The following ARHGAP6 variants were observed in gnomAD, a reference collection of about 807,000 sequenced individuals.
ARHGAP6 encodes the protein Rho GTPase activating protein 6.
ARHGAP6 carries 16 observed loss-of-function variants against 55.7 expected under a neutral mutation model. The ratio of observed to expected loss-of-function variants is 0.29; its 90% confidence interval spans 0.19 to 0.44. The LOEUF (loss-of-function observed/expected upper bound fraction) is 0.44, where lower values mean the gene tolerates loss of function less well. Among genes scored for constraint, ARHGAP6 ranks in the 20% least tolerant of loss-of-function variants. The probability of loss-of-function intolerance (pLI) is 1.00; values close to 1 mark genes in which losing one functional copy is unlikely to be tolerated. For synonymous variants in ARHGAP6, 382 were observed against 360.9 expected (o/e 1.06, Z -0.66); for missense variants, 698 against 808.9 (o/e 0.86, Z 1.66).
chrX:11,356,607 G>C (rs956713616), intron 1 of ARHGAP6, among the ~76,000 whole-genome samples: 1 of 110,584 alleles, frequency 9.0e-6, no homozygotes, highest in Non-Finnish European at 1.9e-5. Context: ...ATGTCAATGT[G>C]GGTTTTTTTC....
chrX:11,168,822 GA>G (rs2046050785), intron 9 of ARHGAP6, among the ~76,000 whole-genome samples: 1 of 112,187 alleles, frequency 8.9e-6, no homozygotes, highest in Non-Finnish European at 1.9e-5. Flanking sequence ...AATGCAGTTT[GA>G]TGAAGGAAAA....
chrX:11,391,794 T>G (rs1297616243), intron 1 of ARHGAP6, among the ~76,000 whole-genome samples: 2 of 112,730 alleles, frequency 1.8e-5, no homozygotes, highest in Non-Finnish European at 3.8e-5. Flanking sequence ...TTAACTTTCA[T>G]GTAGATTGCC....
At chrX:11,522,436 C>T (rs1479166616) in intron 1 of ARHGAP6, among the ~76,000 whole-genome samples, 9 of 110,633 alleles carry the variant, frequency 8.1e-5, no homozygotes, top group Non-Finnish European at 1.7e-4. Flanking sequence ...AAAAAATCAA[C>T]GAATCCAGGA....
intron 1 of ARHGAP6, among the ~76,000 whole-genome samples, chrX:11,602,795 A>G (rs1202016595): frequency 8.9e-6 from 1 of 112,238 alleles, no homozygotes; most frequent in East Asian, 2.8e-4. Context: ...CTGTGTGGTC[A>G]ATTACCATTA....
rs569852383 is a variant in ARHGAP6, at chrX:11,508,770, G to C, written c.588+155471C>G. ...TCACTTCCTCAGCCCCACCCCTTTC[G>C]AATCTCAGCTTCCTCGTCTCTTCAC... On this transcript the variant is annotated intron_variant, in intron 1 of 12. Transcript: ENST00000337414. Among the ~76,000 whole-genome samples the C allele has an allele frequency of 3.1e-3, 335 of 108,036 alleles. 2 individuals are homozygous for C. Among genetic ancestry groups the C allele is most frequent in the Non-Finnish European group, 5.8e-3 (305 of 52,385 alleles). The allele number at this position is 108,036 out of a possible 115,157, so 93.8% of individuals were successfully genotyped here.
chrX:11,292,660 C>T (rs1476443305), intron 1 of ARHGAP6, among the ~76,000 whole-genome samples: 2 of 111,967 alleles, frequency 1.8e-5, no homozygotes, highest in Non-Finnish European at 3.8e-5. Flanking sequence ...CATGAGTTTG[C>T]TTGTAAAAAA....
At chrX:11,281,930 C>A (rs181548248) in intron 1 of ARHGAP6, among the ~76,000 whole-genome samples, 65 of 111,927 alleles carry the variant, frequency 5.8e-4, no homozygotes, top group African/African-American at 2.1e-3. Flanking sequence ...ATGAAGGAAA[C>A]GATAATGGAA....
chrX:11,413,519 G>T (rs755913443), intron 1 of ARHGAP6, among the ~76,000 whole-genome samples: 1 of 112,233 alleles, frequency 8.9e-6, no homozygotes, highest in East Asian at 2.8e-4. Context: ...TTGTGGCTGA[G>T]CGCTCAGCAA....
chrX:11,189,020 T>C (rs1376467597), intron 3 of ARHGAP6, 36 bp from the exon 4 acceptor site: 22 of 1,192,506 alleles, frequency 1.8e-5, no homozygotes, highest in Non-Finnish European at 2.5e-5. Flanking sequence ...TTTCAGAGAC[T>C]GACTGGTCCA....
intron 1 of ARHGAP6, among the ~76,000 whole-genome samples, chrX:11,552,066 G>T (rs887726587): frequency 5.4e-5 from 6 of 111,752 alleles, no homozygotes; most frequent in Admixed American, 9.5e-5. Context: ...CAACTCAATA[G>T]TAAGAAAATA....
intron 1 of ARHGAP6, among the ~76,000 whole-genome samples, chrX:11,482,694 G>A (rs962653475): frequency 1.8e-5 from 2 of 111,349 alleles, no homozygotes; most frequent in Non-Finnish European, 3.8e-5. Flanking sequence ...TATGCTTAGT[G>A]GCTCTAACAG....
At chrX:11,155,099 C>T (rs2045845253) in intron 10 of ARHGAP6, among the ~76,000 whole-genome samples, 1 of 111,629 alleles carries the variant, frequency 9.0e-6, no homozygotes, top group Admixed American at 9.5e-5. Context: ...AACGTAATGA[C>T]CTGGGAAAGA....
chrX:11,580,738 T>A (rs1274561246), intron 1 of ARHGAP6, among the ~76,000 whole-genome samples: 3 of 112,308 alleles, frequency 2.7e-5, no homozygotes, highest in African/African-American at 9.7e-5. Context: ...TTTAAAACAG[T>A]GAGAATATAT....
At chrX:11,328,402 T>C (rs1332638197) in intron 1 of ARHGAP6, among the ~76,000 whole-genome samples, 2 of 112,054 alleles carry the variant, frequency 1.8e-5, no homozygotes, top group Middle Eastern at 4.6e-3. Flanking sequence ...TATTGAGTAA[T>C]TTGGGAGCGA....
intron 1 of ARHGAP6, among the ~76,000 whole-genome samples, chrX:11,663,080 T>C (rs1381405895): frequency 8.9e-6 from 1 of 112,344 alleles, no homozygotes; most frequent in African/African-American, 3.2e-5. Context: ...ACAGCCTCAG[T>C]TACTTTGACA....
At chrX:11,375,828 G>A (rs1187611207) in intron 1 of ARHGAP6, among the ~76,000 whole-genome samples, 1 of 112,017 alleles carries the variant, frequency 8.9e-6, no homozygotes, top group Non-Finnish European at 1.9e-5. Context: ...AAAAGAGATT[G>A]ACTCAATGTT....
At chrX:11,657,397 G>A (rs150373797) in intron 1 of ARHGAP6, among the ~76,000 whole-genome samples, 26 of 108,865 alleles carry the variant, frequency 2.4e-4, no homozygotes, top group Middle Eastern at 4.8e-3. Flanking sequence ...GGAGCAAATG[G>A]GAAGTACACA....
chrX:11,432,726 G>A (rs1242394009), intron 1 of ARHGAP6, among the ~76,000 whole-genome samples: 1 of 111,415 alleles, frequency 9.0e-6, no homozygotes, highest in Non-Finnish European at 1.9e-5. Context: ...GGCCCTCCTT[G>A]GCTGAAATCA....
At chrX:11,612,436 G>A (rs952896751) in intron 1 of ARHGAP6, among the ~76,000 whole-genome samples, 15 of 111,734 alleles carry the variant, frequency 1.3e-4, no homozygotes, top group Non-Finnish European at 2.8e-4. Flanking sequence ...CGGAATGTTT[G>A]TGTACCCCTC....
Sources: allele counts gnomAD v4.1 joint callset (sites outside exome capture counted in the v4.1 genomes callset), GRCh38; gene constraint gnomAD v4.1.1; transcripts MANE v1.5; gene names NCBI Gene and HGNC (gene_info 2026-07-23, HGNC 2026-07-21).